CPNE5: variants seen among roughly 807,000 people sequenced by gnomAD.
The protein encoded by CPNE5 is copine-5.
Under a neutral mutation model 81.1 loss-of-function variants are expected in CPNE5, and 42 were observed. The observed-to-expected ratio is 0.52, with a 90% CI of 0.40 to 0.67. The LOEUF is 0.67. Ranked by LOEUF, CPNE5 falls within the 30% of genes least tolerant of loss-of-function variation. The pLI is 0.00. For missense variants in CPNE5, 612 were observed against 815.5 expected, an observed-to-expected ratio of 0.75 and a Z score of 3.04; for synonymous variants, 313 against 321.5, an observed-to-expected ratio of 0.97 and a Z score of 0.28.
intron 1 of CPNE5, among the ~76,000 whole-genome samples, chr6:36,832,054 T>C (rs867974107): frequency 3.9e-5 from 6 of 152,186 alleles, no homozygotes; most frequent in Admixed American, 6.5e-5. Context: ...TTGCAATGAT[T>C]TGAAATCACA....
chr6:36,794,669 G>A lies in CPNE5; in HGVS notation c.405-20C>T, dbSNP rs1769409671. ...CCTATCCTGTGGAGAGAGAGGGGGAGAGAGAGCATGCCATGAGCTGAGTAC... is the reference window on the plus strand; with the variant it reads ...CCTATCCTGTGGAGAGAGAGGGGGAAAGAGAGCATGCCATGAGCTGAGTAC... On this transcript the variant is annotated intron_variant, in intron 6 of 20. Coordinates refer to ENST00000244751, the MANE Select transcript of CPNE5 (RefSeq NM_020939.2). 6.2e-7 allele frequency: 1 copy of A among 1,612,416 alleles called. No homozygotes were observed.
intron 10 of CPNE5, among the ~76,000 whole-genome samples, chr6:36,768,816 C>T (rs1416406908): frequency 6.6e-6 from 1 of 152,226 alleles, no homozygotes; most frequent in African/African-American, 2.4e-5. Flanking sequence ...GCAGAAAAGA[C>T]CTTCGGCTGT....
In CPNE5 at chr6:36,775,927, G is replaced by A. The variant is rs967705374; in HGVS notation, c.633-862C>T. On this transcript the variant is annotated intron_variant, in intron 9 of 20. Coordinates refer to ENST00000244751, the MANE Select transcript of CPNE5 (RefSeq NM_020939.2). ...TGAATCAATGTATTTCTTGGGGGGC[G>A]AGTTTCCATAGCTTTCACTGGTATG... is the stretch of plus-strand genomic sequence containing the variant. Among the ~76,000 whole-genome samples, 33 of 152,042 alleles carry A rather than the reference G, an allele frequency of 2.2e-4. 1 individual carries two copies. The highest frequency in any genetic ancestry group is 1.4e-3 in the Admixed American group (22 of 15,262).
intron 3 of CPNE5, among the ~76,000 whole-genome samples, chr6:36,800,476 A>G (rs575061925): frequency 7.1e-4 from 108 of 152,212 alleles, no homozygotes; most frequent in African/African-American, 2.5e-3. Flanking sequence ...CCTCCACCGA[A>G]CTTGCGCCCA....
intron 9 of CPNE5, among the ~76,000 whole-genome samples, chr6:36,777,269 C>A (rs1420214681): frequency 2.1e-4 from 32 of 152,060 alleles, no homozygotes; most frequent in Non-Finnish European, 4.4e-5. Context: ...CCTTCCCCTG[C>A]ATTTCCACGG....
In CPNE5 at chr6:36,820,335, C is replaced by CTTTTT. The variant is rs1163633243; in HGVS notation, c.183+1774_183+1778dup. 3.4e-3 allele frequency among the ~76,000 whole-genome samples: 313 copies of CTTTTT among 92,382 alleles called. 3 individuals carry two copies. Among genetic ancestry groups the CTTTTT allele is most frequent in the Middle Eastern group, 7.9e-3 (1 of 126 alleles). 60.6% of individuals were successfully genotyped at this position (92,382 alleles called of 152,430 possible). ...GCCCAGCTTCCTTTCCTAATCCATTCTTTTTTTTTTTTTTTTTTTTTTTTG... is the reference window on the plus strand; with the variant it reads ...GCCCAGCTTCCTTTCCTAATCCATTCTTTTTTTTTTTTTTTTTTTTTTTTTTTTTG... On this transcript the variant is annotated intron_variant, in intron 3 of 20. Transcript: ENST00000244751.
chr6:36,807,719 T>C, intron 3 of CPNE5, among the ~76,000 whole-genome samples: 1 of 152,198 alleles, frequency 6.6e-6, no homozygotes. Flanking sequence ...ATCTTCTGTA[T>C]GCGGGGTGAG....
At position 36,742,339 on chromosome 6, in the gene CPNE5, C is replaced by T; in HGVS notation, c.1711G>A (p.Ala571Thr). The change falls in exon 21 of 21, where the codon GCA (alanine) becomes ACA (threonine). Residue 571 changes from alanine (A) to threonine (T), a missense_variant. Coordinates refer to ENST00000244751, the MANE Select transcript of CPNE5 (RefSeq NM_020939.2). ...QGIRPRPPPA[A>T]PTHSPSQSPA... is the part of the protein sequence containing the mutation. Reference sequence around the variant, plus strand: ...GACTGCGAGGGCGAGTGGGTTGGTGCTGCGGGTGGGGGACGCGGGCGAATG... The same window carrying T: ...GACTGCGAGGGCGAGTGGGTTGGTGTTGCGGGTGGGGGACGCGGGCGAATG... 2 of 1,612,708 alleles carry T rather than the reference C, an allele frequency of 1.2e-6. No individual in the cohort carries two copies. The highest frequency in any genetic ancestry group is 1.7e-6 in the Non-Finnish European group (2 of 1,179,854).
intron 10 of CPNE5, among the ~76,000 whole-genome samples, chr6:36,767,838 C>A (rs953387865): frequency 3.9e-5 from 6 of 152,218 alleles, no homozygotes; most frequent in African/African-American, 1.4e-4. Context: ...GAGCCACTGA[C>A]CTTCTCTAGA....
intron 6 of CPNE5, among the ~76,000 whole-genome samples, chr6:36,795,339 C>T (rs1344333124): frequency 1.3e-5 from 2 of 151,966 alleles, no homozygotes; most frequent in Non-Finnish European, 2.9e-5. Context: ...CCACCATGCC[C>T]GGCTAATTTT....
chr6:36,792,084 T>C lies in CPNE5; in HGVS notation c.477A>G (p.Gly159=), dbSNP rs777955389. Reference sequence around the variant, plus strand: ...ACAGGATGATGGTGCCACATTTCTTTCCTGGGACACCACTGGGAGAGGAGA... The same window carrying C: ...ACAGGATGATGGTGCCACATTTCTTCCCTGGGACACCACTGGGAGAGGAGA... ...MPAVSNGGVP[G]KKCGTIILSA... is the part of the protein sequence containing the mutation. Residue 159 remains glycine (G), a synonymous_variant, in exon 8 of 21, where the codon GGA becomes GGG. Coordinates refer to ENST00000244751, the MANE Select transcript of CPNE5 (RefSeq NM_020939.2). 5.0e-6 allele frequency: 8 copies of C among 1,613,726 alleles called. No individual in the cohort carries two copies. The South Asian group carries it at 6.6e-5, about 13-fold the overall frequency.
At chr6:36,774,579 A>G (rs372314956) in intron 10 of CPNE5, among the ~76,000 whole-genome samples, 1 of 152,324 alleles carries the variant, frequency 6.6e-6, no homozygotes, top group East Asian at 1.9e-4. Flanking sequence ...GAACAATGAA[A>G]AGACAAGCTG....
At chr6:36,834,431 C>T (rs548705474) in intron 1 of CPNE5, among the ~76,000 whole-genome samples, 377 of 151,900 alleles carry the variant, frequency 2.5e-3, no homozygotes, top group Non-Finnish European at 3.8e-3. Context: ...CGAGGCAGGC[C>T]GATCACCTGA....
At chr6:36,826,377 A>G (rs947157167) in intron 1 of CPNE5, among the ~76,000 whole-genome samples, 8 of 152,152 alleles carry the variant, frequency 5.3e-5, no homozygotes, top group Non-Finnish European at 1.0e-4. Context: ...AGGATAAAGC[A>G]AACCCTCTCT....
At chr6:36,790,001 C>T (rs1768944015) in intron 8 of CPNE5, among the ~76,000 whole-genome samples, 1 of 152,162 alleles carries the variant, frequency 6.6e-6, no homozygotes, top group Non-Finnish European at 1.5e-5. Context: ...CACTGGAAGT[C>T]CTTGGAAACA....
At chr6:36,745,938 A>G (rs1351460843) in intron 16 of CPNE5, among the ~76,000 whole-genome samples, 1 of 152,146 alleles carries the variant, frequency 6.6e-6, no homozygotes, top group East Asian at 1.9e-4. Flanking sequence ...GAGTGTCCCC[A>G]GCTCGTGGGA....
At chr6:36,754,114 A>G (rs993680291) in intron 13 of CPNE5, 7 of 152,096 alleles carry the variant, frequency 4.6e-5, no homozygotes, top group African/African-American at 1.7e-4. Flanking sequence ...TTCAACCCTG[A>G]CTGATGACCA....
rs577905397 is a variant in CPNE5, at chr6:36,766,882, G to A, written c.738-1506C>T. ...TGTTTGTTTGCTTGTTTGAGATGGA[G>A]TCTTGCTCTGTTGCCCAGGCTGGAG... On this transcript the variant is annotated intron_variant, in intron 10 of 20. Transcript: ENST00000244751. The surrounding 1 kb of genome is among the most constrained non-coding windows in gnomAD (Gnocchi z 4.2). 6.6e-6 allele frequency among the ~76,000 whole-genome samples: 1 copy of A among 152,320 alleles called. No individual in the cohort carries two copies. Among genetic ancestry groups the A allele is most frequent in the East Asian group, 1.9e-4 (1 of 5,180 alleles).
intron 13 of CPNE5, chr6:36,754,562 C>A (rs1307150244): frequency 6.6e-6 from 1 of 152,194 alleles, no homozygotes; most frequent in Admixed American, 6.5e-5. Flanking sequence ...GCCTGGGCGT[C>A]TGTATTTCAG....
Sources: gnomAD v4.1 joint callset for allele counts (sites outside exome capture counted in the v4.1 genomes callset) on GRCh38, gnomAD v4.1.1 for gene constraint, Gnocchi (gnomAD v3.1) non-coding constraint, MANE v1.5 for transcripts, NCBI Gene and HGNC (gene_info 2026-07-23, HGNC 2026-07-21) for gene names.